Variants in ZXDC observed in about 807,000 individuals in gnomAD.
ZXDC encodes the protein zinc finger protein ZXDC.
ZXDC carries 58 observed loss-of-function variants against 63.6 expected under a neutral mutation model. The ratio of observed to expected loss-of-function variants is 0.91; its 90% CI spans 0.74 to 1.13. The LOEUF is 1.13. ZXDC is among the 50% of genes most tolerant of loss of function. The pLI, the probability that ZXDC is intolerant of heterozygous loss-of-function variation, is 0.00. For missense variants in ZXDC, 1,133 were observed against 1,148.9 expected, an observed-to-expected ratio of 0.99 and a Z score of 0.20; for synonymous variants, 561 against 496.1, an observed-to-expected ratio of 1.13 and a Z score of -1.74.
intron 7 of ZXDC, among the ~76,000 whole-genome samples, chr3:126,455,867 G>A (rs1419488709): frequency 1.3e-5 from 2 of 152,018 alleles, no homozygotes; most frequent in Non-Finnish European, 2.9e-5. Context: ...AGCTGGGCAC[G>A]GCAGCGCCTG....
chr3:126,446,002 G>A (rs1347329549), intron 7 of ZXDC, among the ~76,000 whole-genome samples: 1 of 152,138 alleles, frequency 6.6e-6, no homozygotes, highest in Non-Finnish European at 1.5e-5. Context: ...GAAGCCCTGG[G>A]TCCTCACTAG....
Position 126,439,613 on chromosome 3 carries a change from G to T in ZXDC, c.2490+19C>A, listed in dbSNP as rs1281178120. ...GCGAGTCTCAATAAGAAAAACAAAG[G>T]GCAGTAAGGCATCCAGACCTGGAGG... is the stretch of plus-strand genomic sequence containing the variant. On this transcript the variant is annotated intron_variant, in intron 9 of 9. Transcript: ENST00000389709. 1 of 1,551,774 alleles carries T rather than the reference G, an allele frequency of 6.4e-7. No individual in the cohort carries two copies. Among genetic ancestry groups the T allele is most frequent in the African/African-American group, 1.4e-5 (1 of 73,178 alleles).
At chr3:126,474,615 C>G (rs1269495986) in intron 1 of ZXDC, among the ~76,000 whole-genome samples, 1 of 152,230 alleles carries the variant, frequency 6.6e-6, no homozygotes, top group Admixed American at 6.5e-5. Context: ...ACCCCGTAAA[C>G]AAATGACGAG....
intron 7 of ZXDC, chr3:126,442,698 A>T (rs1213736661): frequency 2.6e-5 from 4 of 152,174 alleles, no homozygotes; most frequent in Non-Finnish European, 5.9e-5. Context: ...GAAATATGTG[A>T]TCAAAACTTA....
chr3:126,461,582 C>G lies in ZXDC; in HGVS notation c.2080G>C (p.Gly694Arg). The G allele has an allele frequency of 6.2e-7, 1 of 1,614,136 alleles. No individual in the cohort carries two copies. The highest frequency in any genetic ancestry group is 8.5e-7 in the Non-Finnish European group (1 of 1,180,002). Residue 694 changes from glycine (G) to arginine (R), a missense_variant, in exon 6 of 10, where the codon GGT becomes CGT. Physicochemically the swap from Gly to Arg is moderately radical, Grantham distance 125. Transcript: ENST00000389709. ...GCACTGAGCTCTGTGTCCTGGGCACCGTGCTGCTCTGCTGGACTGGGCAAC... is the reference window on the plus strand; with the variant it reads ...GCACTGAGCTCTGTGTCCTGGGCACGGTGCTGCTCTGCTGGACTGGGCAAC... The part of the protein sequence containing the change: ...STLPSPAEQH[G>R]AQDTELSAGT...
intron 7 of ZXDC, among the ~76,000 whole-genome samples, chr3:126,448,627 G>A (rs551502066): frequency 2.0e-5 from 3 of 152,318 alleles, no homozygotes; most frequent in Admixed American, 6.5e-5. Context: ...CCAGCACGTC[G>A]TGGGGCTGCC....
rs1934956929 is a variant in ZXDC at position 126,470,964 on chromosome 3, T to C, written c.1201A>G (p.Arg401Gly). Residue 401 changes from arginine to glycine, a missense_variant, in exon 4 of 10, where the codon AGA (arginine) becomes GGA (glycine). Coordinates refer to ENST00000389709, the MANE Select transcript of ZXDC (RefSeq NM_025112.5). Reference protein sequence around the residue: ...PVEGCGKSFTRAEHLKGHSIT... With the variant: ...PVEGCGKSFTGAEHLKGHSIT... ...CTGTGGCCTTTCAGATGCTCTGCTC[T>C]GGTGAATGATTTCCCACAGCCCTCG... The C allele has an allele frequency of 6.2e-7, 1 of 1,614,118 alleles. No individual in the cohort carries two copies. Among genetic ancestry groups the C allele is most frequent in the Non-Finnish European group, 8.5e-7 (1 of 1,180,052 alleles).
In ZXDC at chr3:126,475,463, C is replaced by G; in HGVS notation, c.403G>C (p.Asp135His). The change falls in exon 1 of 10, where the codon GAC (aspartate) becomes CAC (histidine). Residue 135 changes from aspartate to histidine, a missense_variant. Transcript: ENST00000389709. ...CCGCGGTCGAGACGCACCAGCAGGT[C>G]CTGGCTGCTGATGGTGACGGCGCCC... is the stretch of plus-strand genomic sequence containing the variant. Reference protein sequence around the residue: ...PAGAVTISSQDLLVRLDRGVL... With the variant: ...PAGAVTISSQHLLVRLDRGVL... 1 of 1,208,848 alleles carries G rather than the reference C, an allele frequency of 8.3e-7. No homozygotes were observed. Among genetic ancestry groups the G allele is most frequent in the Non-Finnish European group, 1.0e-6 (1 of 975,600 alleles). 74.9% of individuals were successfully genotyped at this position (1,208,848 alleles called of 1,614,324 possible).
At chr3:126,451,720 G>C in intron 7 of ZXDC, 1 of 985,390 alleles carries the variant, frequency 1.0e-6, no homozygotes, top group South Asian at 4.7e-5. Context: ...TCCTCCTCAT[G>C]ACCTTCTGCA....
Position 126,441,804 on chromosome 3 carries a change from C to T in ZXDC, c.2355G>A (p.Val785=). ...GRPGPAPAAG[V]QCGAQGVQVQ... ...CCTGGACGCCCTGCGCCCCGCACTG[C>T]ACCCCAGCTGCTGGAGCTGGTCCTG... Residue 785 remains valine (V), a synonymous_variant, in exon 8 of 10, where the codon GTG becomes GTA. Coordinates refer to ENST00000389709, the MANE Select transcript of ZXDC (RefSeq NM_025112.5). 6.2e-7 allele frequency: 1 copy of T among 1,612,518 alleles called. No homozygotes were observed. Among genetic ancestry groups the T allele is most frequent in the Non-Finnish European group, 8.5e-7 (1 of 1,179,512 alleles).
intron 7 of ZXDC, among the ~76,000 whole-genome samples, chr3:126,446,565 G>A (rs977229033): frequency 6.6e-6 from 1 of 152,128 alleles, no homozygotes; most frequent in African/African-American, 2.4e-5. Flanking sequence ...TGAGGCTCAG[G>A]CCCCTCCCTT....
Position 126,475,299 on chromosome 3 carries a change from C to T in ZXDC, c.567G>A (p.Lys189=). The T allele has an allele frequency of 6.5e-7, 1 of 1,549,578 alleles. No homozygotes were observed. Among genetic ancestry groups the T allele is most frequent in the Non-Finnish European group, 8.7e-7 (1 of 1,146,502 alleles). ...EPQCALAFAK[K]HQLKVHLLTH... is the part of the protein sequence containing the mutation. ...TGAGCAGGTGCACCTTGAGCTGGTG[C>T]TTCTTGGCGAAGGCCAGCGCGCACT... The change falls in exon 1 of 10, where the codon AAG becomes AAA. Residue 189 remains lysine, a synonymous_variant. Transcript: ENST00000389709.
chr3:126,459,881 A>G (rs766148012), intron 6 of ZXDC, 144 bp from the exon 7 acceptor site: 1 of 1,540,900 alleles, frequency 6.5e-7, no homozygotes, highest in Non-Finnish European at 8.7e-7. Flanking sequence ...ACAAAGGGCC[A>G]AACGCTACAT....
In ZXDC at chr3:126,466,203, T is replaced by G. The variant is rs1390578309; in HGVS notation, c.1393A>C (p.Lys465Gln). The change falls in exon 5 of 10, where the codon AAG becomes CAG. Residue 465 changes from lysine to glutamine, a missense_variant. Coordinates refer to ENST00000389709, the MANE Select transcript of ZXDC (RefSeq NM_025112.5). ...ACCATGTGCGCCTTCATGCTGTGCT[T>G]GGAGGTGAAGAGTCTGTTGCAGGTA... ...VSTCNRLFTS[K>Q]HSMKAHMVRQ... is the part of the protein sequence containing the mutation. The G allele has an allele frequency of 3.1e-6, 5 of 1,614,098 alleles. No homozygotes were observed. Among genetic ancestry groups the G allele is most frequent in the Non-Finnish European group, 3.4e-6 (4 of 1,180,044 alleles).
At chr3:126,441,069 T>C (rs944086168) in intron 8 of ZXDC, 3 of 985,308 alleles carry the variant, frequency 3.0e-6, no homozygotes, top group East Asian at 2.3e-4. Flanking sequence ...ATATCTCTTC[T>C]CTCCCCAAAT....
intron 7 of ZXDC, among the ~76,000 whole-genome samples, chr3:126,456,504 A>C (rs1006286004): frequency 6.6e-6 from 1 of 152,220 alleles, no homozygotes; most frequent in Non-Finnish European, 1.5e-5. Flanking sequence ...GGGTGCTGTC[A>C]CATGCTGGGA....
intron 7 of ZXDC, among the ~76,000 whole-genome samples, chr3:126,444,258 C>T (rs767418909): frequency 1.8e-4 from 28 of 152,274 alleles, no homozygotes; most frequent in Non-Finnish European, 2.9e-4. Context: ...ATTGGCCGGG[C>T]GCAGTGGCTC....
chr3:126,460,067 C>G (rs1424303205), intron 6 of ZXDC: 8 of 985,430 alleles, frequency 8.1e-6, no homozygotes, highest in Non-Finnish European at 9.6e-6. Context: ...CGAGCCTTGC[C>G]TGGGTAACCC....
intron 7 of ZXDC, chr3:126,442,678 G>A (rs760729611): frequency 6.6e-6 from 1 of 152,230 alleles, no homozygotes; most frequent in South Asian, 2.1e-4. Flanking sequence ...TTTTGGAGAG[G>A]ATTTCATAGG....
Sources: gnomAD v4.1 joint callset for allele counts (sites outside exome capture counted in the v4.1 genomes callset) on GRCh38, gnomAD v4.1.1 for gene constraint, MANE v1.5 for transcripts, NCBI Gene and HGNC (gene_info 2026-07-23, HGNC 2026-07-21) for gene names.